Variants in IRAG2 observed in about 807,000 individuals in gnomAD.
The protein encoded by IRAG2 is inositol 1,4,5-triphosphate receptor associated 2.
A neutral mutation model predicts 69.9 loss-of-function variants in IRAG2; 45 were observed. The ratio of observed to expected loss-of-function variants is 0.64; its 90% confidence interval spans 0.51 to 0.83. IRAG2 has a LOEUF of 0.83. IRAG2 is among the 40% of genes least tolerant of loss of function. IRAG2 has a pLI of 0.00. For missense variants in IRAG2, 520 were observed against 587.0 expected (o/e 0.89, Z 1.18); for synonymous variants, 193 against 202.4 (o/e 0.95, Z 0.40).
chr12:24,998,108 TGAG>T, the IRAG2 span, among the ~76,000 whole-genome samples: 1 of 152,226 alleles, frequency 6.6e-6, no homozygotes, highest in Non-Finnish European at 1.5e-5. Context: ...TCTTGTTCTC[TGAG>T]AAGAAAACCA....
At chr12:25,073,893 T>A (rs1331879538) in intron 6 of IRAG2, among the ~76,000 whole-genome samples, 2 of 152,292 alleles carry the variant, frequency 1.3e-5, no homozygotes, top group East Asian at 3.9e-4. Context: ...TGGCCATAGG[T>A]TGGTAATTGT....
In IRAG2 at chr12:25,103,652, G is replaced by A. The variant is rs189483557; in HGVS notation, c.934-185G>A. The A allele has an allele frequency of 1.2e-3, 636 of 550,856 alleles. 16 individuals are homozygous for A. The Admixed American group carries it at 0.02, about 18-fold the overall frequency. The allele number at this position is 550,856 out of a possible 1,614,324, so 34.1% of individuals were successfully genotyped here. ...TAATAATCCAACATTGAGTTAGGTGGAATATAAATTGGTAAAATATTTCTG... is the reference window on the plus strand; with the variant it reads ...TAATAATCCAACATTGAGTTAGGTGAAATATAAATTGGTAAAATATTTCTG... On this transcript the variant is annotated intron_variant, in intron 17 of 21. Transcript: ENST00000556887.
intron 13 of IRAG2, 86 bp from the exon 14 acceptor site, chr12:25,089,971 T>C: frequency 1.4e-6 from 2 of 1,416,636 alleles, no homozygotes; most frequent in South Asian, 1.2e-5. Flanking sequence ...AAGAAATGCC[T>C]CAGTATAAAA....
chr12:25,078,604 T>G (rs1946979793), intron 6 of IRAG2, among the ~76,000 whole-genome samples: 1 of 152,210 alleles, frequency 6.6e-6, no homozygotes, highest in African/African-American at 2.4e-5. Flanking sequence ...AAAAAGAAAG[T>G]TGTACAACTT....
At chr12:25,049,450 G>A (rs965593579), upstream of IRAG2, among the ~76,000 whole-genome samples, 2 of 151,976 alleles carry the variant, frequency 1.3e-5, no homozygotes. Flanking sequence ...TCCTTGAAGA[G>A]GTCCTTCACT....
intron 16 of IRAG2, among the ~76,000 whole-genome samples, chr12:25,043,014 A>AAG (rs1944763077): frequency 6.6e-6 from 1 of 151,344 alleles, no homozygotes; most frequent in Non-Finnish European, 1.5e-5. Flanking sequence ...AAAAAAAAAA[A>AAG]AAGAAGAGGA....
chr12:25,051,947 A>G (rs1944883514), upstream of IRAG2, among the ~76,000 whole-genome samples: 1 of 152,208 alleles, frequency 6.6e-6, no homozygotes, highest in Non-Finnish European at 1.5e-5. Flanking sequence ...AACTGATGCT[A>G]AGTGCTATGA....
chr12:25,082,427 C>T (rs1234422288), intron 9 of IRAG2, among the ~76,000 whole-genome samples: 2 of 151,694 alleles, frequency 1.3e-5, no homozygotes, highest in African/African-American at 2.4e-5. Flanking sequence ...AGTGAAACCC[C>T]GTCTCTGCAA....
intron 9 of IRAG2, among the ~76,000 whole-genome samples, chr12:25,082,610 C>A (rs1008434762): frequency 2.8e-3 from 34 of 12,186 alleles, no homozygotes; most frequent in African/African-American, 4.3e-3. Flanking sequence ...AAAAAAAAAA[C>A]AAAAAACAAA....
At chr12:25,064,299 TGA>T (rs1472998565) in intron 4 of IRAG2, among the ~76,000 whole-genome samples, 2 of 151,854 alleles carry the variant, frequency 1.3e-5, no homozygotes, top group African/African-American at 4.8e-5. Context: ...TTCTAATGGG[TGA>T]GAGTAACATG....
At chr12:25,097,341 T>G (rs1281766164) in intron 15 of IRAG2, 5 of 195,032 alleles carry the variant, frequency 2.6e-5, no homozygotes, top group Non-Finnish European at 4.1e-5. Flanking sequence ...TAATCTGCTT[T>G]TTATTCATCA....
At chr12:25,052,204 CTTTTTT>C (rs10690368), upstream of IRAG2, 52 of 276,824 alleles carry the variant, frequency 1.9e-4, no homozygotes, top group East Asian at 5.7e-4. Flanking sequence ...GCGGTTTGGA[CTTTTTT>C]TTTTTTTTTT....
At position 25,066,444 on chromosome 12, in the gene IRAG2, C is replaced by T. The variant is rs1945985993; in HGVS notation, c.-127C>T. ...TCTCAGGTGTAGCCAACCAAATCCA[C>T]ACTCTGTGTGAAAGGCCCACATATG... On this transcript the variant is annotated 5_prime_UTR_variant, in exon 5 of 22. Coordinates refer to ENST00000556887, the MANE Select transcript of IRAG2 (RefSeq NM_001366544.2). 1 of 401,214 alleles carries T rather than the reference C, an allele frequency of 2.5e-6. No individual in the cohort carries two copies. The highest frequency in any genetic ancestry group is 4.4e-6 in the Non-Finnish European group (1 of 226,228). The allele number at this position is 401,214 out of a possible 1,614,324, so 24.9% of individuals were successfully genotyped here. A position where few individuals can be genotyped will look rare whatever the true frequency, so the allele number is the denominator to read the frequency against.
chr12:25,011,120 C>T (rs1944471501), intron 2 of IRAG2, among the ~76,000 whole-genome samples: 1 of 152,110 alleles, frequency 6.6e-6, no homozygotes, highest in African/African-American at 2.4e-5. Context: ...GATAAAGAAA[C>T]AGGTTCAGAG....
At chr12:25,038,765 T>A (rs778071038) in intron 16 of IRAG2, among the ~76,000 whole-genome samples, 3 of 152,158 alleles carry the variant, frequency 2.0e-5, no homozygotes, top group Admixed American at 6.5e-5. Context: ...AGTAACCTCA[T>A]AATTTTTCAG....
intron 10 of IRAG2, among the ~76,000 whole-genome samples, chr12:25,085,840 A>G (rs1947562633): frequency 6.9e-6 from 1 of 145,738 alleles, no homozygotes; most frequent in Non-Finnish European, 1.5e-5. Context: ...TATAATGACA[A>G]GAAAGGAAAT....
chr12:25,000,720 A>T (rs1283491679), upstream of IRAG2, among the ~76,000 whole-genome samples: 1 of 152,256 alleles, frequency 6.6e-6, no homozygotes, highest in African/African-American at 2.4e-5. Context: ...TGGGTTATCT[A>T]CAAGTGTACC....
upstream of IRAG2, chr12:25,004,323 A>G: frequency 3.2e-6 from 4 of 1,230,902 alleles, no homozygotes; most frequent in Non-Finnish European, 2.0e-6. Flanking sequence ...TCATCTGTAT[A>G]CTAGGAGGAA....
At position 25,097,051 on chromosome 12, in the gene IRAG2, T is replaced by A. The variant is rs770986791; in HGVS notation, c.741+7T>A. 1.9e-6 allele frequency: 3 copies of A among 1,595,756 alleles called. No individual in the cohort carries two copies. In the Admixed American group the frequency reaches 5.5e-5, roughly 29 times the overall value. ...GTTGGGAGCCATCAATCAGGTAACCTGTCTTCATTTCTCTAGTTAGAATGA... is the reference window on the plus strand; with the variant it reads ...GTTGGGAGCCATCAATCAGGTAACCAGTCTTCATTTCTCTAGTTAGAATGA... On this transcript the variant is annotated splice_region_variant and intron_variant, in intron 15 of 21. Coordinates refer to ENST00000556887, the MANE Select transcript of IRAG2 (RefSeq NM_001366544.2).
Sources: gnomAD v4.1 joint callset for allele counts (sites outside exome capture counted in the v4.1 genomes callset) on GRCh38, gnomAD v4.1.1 for gene constraint, MANE v1.5 for transcripts, NCBI Gene and HGNC (gene_info 2026-07-23, HGNC 2026-07-21) for gene names.